The following HMBOX1 variants were observed in gnomAD, a reference collection of about 807,000 sequenced individuals.
HMBOX1 encodes the protein homeobox containing 1.
A neutral mutation model predicts 54.5 loss-of-function variants in HMBOX1; 14 were observed. That is an observed-to-expected ratio of 0.26 (90% CI 0.17 to 0.40). The LOEUF is 0.40. HMBOX1 is among the 10% of genes least tolerant of loss of function. HMBOX1 has a pLI of 1.00. For synonymous variants in HMBOX1, 160 were observed against 181.0 expected, an observed-to-expected ratio of 0.88 and a Z score of 0.93; for missense variants, 332 against 514.4, an observed-to-expected ratio of 0.65 and a Z score of 3.43.
chr8:28,966,175 C>T (rs185827978), intron 2 of HMBOX1, among the ~76,000 whole-genome samples: 1 of 152,276 alleles, frequency 6.6e-6, no homozygotes, highest in African/African-American at 2.4e-5. Context: ...AAAGTATATT[C>T]TAGACCTCAT....
intron 1 of HMBOX1, among the ~76,000 whole-genome samples, chr8:28,928,122 A>G (rs1369657766): frequency 2.0e-5 from 3 of 151,494 alleles, no homozygotes; most frequent in South Asian, 4.1e-4. Flanking sequence ...TGACAGATCA[A>G]GACTCCGTCT....
intron 1 of HMBOX1, among the ~76,000 whole-genome samples, chr8:28,914,653 A>C (rs1271079985): frequency 2.0e-5 from 3 of 152,244 alleles, no homozygotes; most frequent in Admixed American, 2.0e-4. Flanking sequence ...CCTATTTGAC[A>C]TCCCTAACCT....
chr8:28,957,832 A>G (rs1824754131), intron 1 of HMBOX1, among the ~76,000 whole-genome samples: 1 of 152,046 alleles, frequency 6.6e-6, no homozygotes, highest in South Asian at 2.1e-4. Flanking sequence ...CATGTTGGCC[A>G]GGCTGGTCTC....
intron 6 of HMBOX1, among the ~76,000 whole-genome samples, chr8:29,029,458 C>T (rs6558088): frequency 6.6e-6 from 1 of 152,080 alleles, no homozygotes; most frequent in Non-Finnish European, 1.5e-5. Flanking sequence ...TCTTGTTGTA[C>T]AAAAAAATAT....
rs140801265 is a variant in HMBOX1, at chr8:29,010,915, T to G, written c.697+1733T>G. On this transcript the variant is annotated intron_variant, in intron 5 of 9. Transcript: ENST00000287701. ...TAATTTGACAGAATGTCCCACATGC[T>G]GGATTTTTCTATTTACTTTTATTAT... 2.3e-3 allele frequency among the ~76,000 whole-genome samples: 348 copies of G among 152,300 alleles called. 2 individuals are homozygous for G. Among genetic ancestry groups the G allele is most frequent in the African/African-American group, 8.0e-3 (332 of 41,584 alleles).
At chr8:29,030,300 A>G (rs979238014) in intron 6 of HMBOX1, among the ~76,000 whole-genome samples, 2 of 151,430 alleles carry the variant, frequency 1.3e-5, no homozygotes, top group African/African-American at 4.9e-5. Flanking sequence ...TCACTGCAAC[A>G]TCCGCCTCCC....
intron 1 of HMBOX1, among the ~76,000 whole-genome samples, chr8:28,954,664 G>C (rs549200322): frequency 2.0e-4 from 30 of 152,274 alleles, no homozygotes; most frequent in African/African-American, 7.2e-4. Context: ...GAGGCAATTT[G>C]ACAAAATCTG....
At chr8:29,008,793 A>G (rs1242007686) in intron 4 of HMBOX1, among the ~76,000 whole-genome samples, 1 of 152,230 alleles carries the variant, frequency 6.6e-6, no homozygotes, top group African/African-American at 2.4e-5. Context: ...GAATCTCTTT[A>G]TCTCAGATTC....
At chr8:28,892,666 C>T (rs1811252334) in intron 1 of HMBOX1, among the ~76,000 whole-genome samples, 1 of 151,854 alleles carries the variant, frequency 6.6e-6, no homozygotes, top group South Asian at 2.1e-4. Context: ...AAAATTTTTG[C>T]TGTTGGTCAT....
intron 5 of HMBOX1, 97 bp downstream of exon 5, chr8:29,009,279 T>A: frequency 8.9e-7 from 1 of 1,122,980 alleles, no homozygotes; most frequent in East Asian, 2.5e-5. Context: ...AGTAAGATGG[T>A]TTCATACTTT....
chr8:28,982,446 TTTTG>T (rs899059701), intron 4 of HMBOX1, among the ~76,000 whole-genome samples: 7 of 151,926 alleles, frequency 4.6e-5, no homozygotes, highest in African/African-American at 1.2e-4. Context: ...GTTTTTACTT[TTTTG>T]TTTGTTTGTT....
intron 3 of HMBOX1, among the ~76,000 whole-genome samples, chr8:28,977,013 CTA>C (rs1828518224): frequency 6.6e-6 from 1 of 152,012 alleles, no homozygotes; most frequent in South Asian, 2.1e-4. Flanking sequence ...CTGGCTATTT[CTA>C]TGTTTTTAAA....
intron 6 of HMBOX1, among the ~76,000 whole-genome samples, chr8:29,019,713 T>G (rs1452966970): frequency 1.3e-5 from 2 of 152,188 alleles, no homozygotes; most frequent in African/African-American, 4.8e-5. Flanking sequence ...TAACTTTGTT[T>G]AGGTCACAAA....
At chr8:29,024,808 G>T (rs952633906) in intron 6 of HMBOX1, among the ~76,000 whole-genome samples, 15 of 152,162 alleles carry the variant, frequency 9.9e-5, no homozygotes, top group African/African-American at 3.1e-4. Context: ...TAGAGCAGGG[G>T]TCCCTAACCC....
At chr8:29,037,822 A>C (rs150625949) in intron 6 of HMBOX1, among the ~76,000 whole-genome samples, 14 of 152,252 alleles carry the variant, frequency 9.2e-5, no homozygotes, top group African/African-American at 3.1e-4. Context: ...AGTATGTTTA[A>C]AGCTGGTTTT....
intron 1 of HMBOX1, among the ~76,000 whole-genome samples, chr8:28,892,085 C>CT (rs1314349436): frequency 6.6e-5 from 10 of 151,980 alleles, no homozygotes; most frequent in Non-Finnish European, 1.0e-4. Flanking sequence ...CCGCCTGTGT[C>CT]TTTTTATTTA....
At chr8:29,028,944 T>G (rs552715576) in intron 6 of HMBOX1, among the ~76,000 whole-genome samples, 1 of 152,354 alleles carries the variant, frequency 6.6e-6, no homozygotes, top group Admixed American at 6.5e-5. Context: ...TTTAAATATT[T>G]ACCCAGGAAG....
intron 4 of HMBOX1, among the ~76,000 whole-genome samples, chr8:29,007,238 G>A (rs1180418485): frequency 1.3e-5 from 2 of 151,714 alleles, no homozygotes; most frequent in East Asian, 1.9e-4. Flanking sequence ...GCAGTGAACC[G>A]AGATCACGCC....
intron 1 of HMBOX1, among the ~76,000 whole-genome samples, chr8:28,917,717 A>G (rs1173221375): frequency 3.3e-5 from 5 of 152,098 alleles, no homozygotes; most frequent in African/African-American, 4.8e-5. Flanking sequence ...AGGAGGTTCT[A>G]TTTCTAGTTT....
Sources: allele counts gnomAD v4.1 joint callset (sites outside exome capture counted in the v4.1 genomes callset), GRCh38; gene constraint gnomAD v4.1.1; transcripts MANE v1.5; gene names NCBI Gene and HGNC (gene_info 2026-07-23, HGNC 2026-07-21).